FCHSD2: variants seen among roughly 807,000 people sequenced by gnomAD.
FCHSD2 encodes the protein F-BAR and double SH3 domains protein 2.
FCHSD2 carries 38 observed loss-of-function variants against 108.1 expected under a neutral mutation model. The observed-to-expected ratio is 0.35, with a 90% CI of 0.27 to 0.46. FCHSD2 has a LOEUF of 0.46. FCHSD2 is among the 20% of genes least tolerant of loss of function. The pLI, the probability that FCHSD2 is intolerant of heterozygous loss-of-function variation, is 1.00. For missense variants in FCHSD2, 751 were observed against 897.8 expected, an observed-to-expected ratio of 0.84 and a Z score of 2.09; for synonymous variants, 279 against 314.7, an observed-to-expected ratio of 0.89 and a Z score of 1.20.
At chr11:73,045,365 C>T (rs1329543913) in intron 3 of FCHSD2, among the ~76,000 whole-genome samples, 1 of 149,566 alleles carries the variant, frequency 6.7e-6, no homozygotes, top group Non-Finnish European at 1.5e-5. Context: ...TGTGGCGATT[C>T]CTCAGGGATC....
chr11:73,027,515 A>G (rs1455685621), intron 3 of FCHSD2, among the ~76,000 whole-genome samples: 2 of 152,224 alleles, frequency 1.3e-5, no homozygotes, highest in Non-Finnish European at 2.9e-5. Flanking sequence ...ACTTATGTTT[A>G]AAAGGGAAGT....
At chr11:72,937,060 T>A (rs1203786115) in intron 8 of FCHSD2, among the ~76,000 whole-genome samples, 2 of 152,118 alleles carry the variant, frequency 1.3e-5, no homozygotes, top group Admixed American at 1.3e-4. Flanking sequence ...AACCCTACCA[T>A]CCAATAGCAA....
chr11:73,049,573 T>C (rs918488383), intron 3 of FCHSD2, among the ~76,000 whole-genome samples: 2 of 148,704 alleles, frequency 1.3e-5, no homozygotes, highest in Non-Finnish European at 3.0e-5. Flanking sequence ...TTGGGAGATA[T>C]ACCTAATGCT....
intron 2 of FCHSD2, among the ~76,000 whole-genome samples, chr11:73,086,827 AATAG>A (rs1466469446): frequency 1.3e-5 from 2 of 152,256 alleles, no homozygotes; most frequent in African/African-American, 2.4e-5. Context: ...CCCAGAAATG[AATAG>A]ATAAATACAA....
intron 2 of FCHSD2, among the ~76,000 whole-genome samples, chr11:73,130,379 C>T (rs367699025): frequency 9.9e-5 from 15 of 152,160 alleles, no homozygotes; most frequent in African/African-American, 2.9e-4. Context: ...ACTACAGGCA[C>T]GTGCTATGGT....
At chr11:72,842,884 GCCGGTTGCTTTTGCAACCACC>G (rs1368413572) in intron 16 of FCHSD2, 43 bp from the exon 17 acceptor site, 7 of 1,536,482 alleles carry the variant, frequency 4.6e-6, no homozygotes, top group Non-Finnish European at 6.3e-6. Context: ...ATAATTAACA[GCCGGTTGCTTTTGCAACCACC>G]CCTATGCTCA....
intron 9 of FCHSD2, among the ~76,000 whole-genome samples, chr11:72,915,919 AC>A (rs1376943110): frequency 6.6e-6 from 1 of 152,244 alleles, no homozygotes; most frequent in Non-Finnish European, 1.5e-5. Flanking sequence ...CTTTGCAGGA[AC>A]ATGAATGGAG....
chr11:72,900,225 T>C (rs528789724), intron 10 of FCHSD2: 90 of 559,494 alleles, frequency 1.6e-4, no homozygotes, highest in East Asian at 1.2e-3. Flanking sequence ...ACACTTCCCA[T>C]CCCTCCCGCC....
At chr11:73,007,274 A>G (rs1191656948) in intron 4 of FCHSD2, among the ~76,000 whole-genome samples, 2 of 152,202 alleles carry the variant, frequency 1.3e-5, no homozygotes, top group South Asian at 2.1e-4. Flanking sequence ...TGAATATCAT[A>G]TAAGATATCT....
intron 3 of FCHSD2, among the ~76,000 whole-genome samples, chr11:73,030,320 C>G (rs1423519676): frequency 6.6e-6 from 1 of 152,042 alleles, no homozygotes. Context: ...AAGTTCCTGT[C>G]TTGTTCTTCA....
chr11:73,078,802 T>C (rs1859614774), intron 3 of FCHSD2, among the ~76,000 whole-genome samples: 1 of 152,180 alleles, frequency 6.6e-6, no homozygotes, highest in African/African-American at 2.4e-5. Context: ...CACTGCAGCC[T>C]TGAAATCCTG....
At chr11:72,847,904 G>C (rs1220138079) in intron 14 of FCHSD2, among the ~76,000 whole-genome samples, 1 of 151,928 alleles carries the variant, frequency 6.6e-6, no homozygotes, top group African/African-American at 2.4e-5. Context: ...TGTTGGTTGG[G>C]CCAGTCTTGA....
intron 3 of FCHSD2, among the ~76,000 whole-genome samples, chr11:73,082,916 T>G (rs1859730403): frequency 6.6e-6 from 1 of 152,190 alleles, no homozygotes; most frequent in Non-Finnish European, 1.5e-5. Flanking sequence ...TTTTTTCTTG[T>G]CACATTTTGT....
intron 8 of FCHSD2, among the ~76,000 whole-genome samples, chr11:72,976,317 G>A (rs1170586642): frequency 6.6e-6 from 1 of 152,024 alleles, no homozygotes; most frequent in Admixed American, 6.5e-5. Flanking sequence ...TAAGAGATGA[G>A]GTCTCACTTT....
At chr11:72,883,981 G>GA (rs962853270) in intron 12 of FCHSD2, among the ~76,000 whole-genome samples, 6 of 146,606 alleles carry the variant, frequency 4.1e-5, no homozygotes, top group Admixed American at 6.8e-5. Context: ...TAATACCCAA[G>GA]AAAAAAAAAT....
intron 8 of FCHSD2, among the ~76,000 whole-genome samples, chr11:72,922,539 T>TA (rs1336475769): frequency 4.7e-5 from 7 of 149,256 alleles, no homozygotes; most frequent in Admixed American, 6.7e-5. Flanking sequence ...ATCTTTGAAA[T>TA]AAAAAAAAAG....
chr11:73,021,815 G>A (rs1389869914), intron 3 of FCHSD2, among the ~76,000 whole-genome samples: 3 of 152,136 alleles, frequency 2.0e-5, no homozygotes, highest in Admixed American at 6.5e-5. Flanking sequence ...CTGGCTGGGC[G>A]TGGTGGCTCA....
intron 3 of FCHSD2, among the ~76,000 whole-genome samples, chr11:73,056,735 A>AC (rs1859034057): frequency 6.6e-6 from 1 of 152,218 alleles, no homozygotes; most frequent in Non-Finnish European, 1.5e-5. Flanking sequence ...ACAGGAGAGC[A>AC]CATGAGAGCC....
chr11:72,862,110 A>G (rs1177407631), intron 13 of FCHSD2, among the ~76,000 whole-genome samples: 1 of 152,186 alleles, frequency 6.6e-6, no homozygotes, highest in Non-Finnish European at 1.5e-5. Context: ...GAAACAGAAG[A>G]AACTTCTTTA....
Sources: allele counts gnomAD v4.1 joint callset (sites outside exome capture counted in the v4.1 genomes callset), GRCh38; gene constraint gnomAD v4.1.1; transcripts MANE v1.5; gene names NCBI Gene and HGNC (gene_info 2026-07-23, HGNC 2026-07-21).